Variants in PCDHGA3 observed in about 807,000 individuals in gnomAD.
PCDHGA3 encodes the protein protocadherin gamma subfamily A, 3, also known as protocadherin gamma-A3.
PCDHGA3 carries 40 observed loss-of-function variants against 58.5 expected under a neutral mutation model. The observed-to-expected ratio is 0.68, with a 90% confidence interval of 0.53 to 0.89. PCDHGA3 has a LOEUF of 0.89. Among genes scored for constraint, PCDHGA3 ranks in the 40% least tolerant of loss-of-function variants. The probability of loss-of-function intolerance (pLI) is 0.00; values close to 1 mark genes in which losing one functional copy is unlikely to be tolerated. For missense variants in PCDHGA3, 1,223 were observed against 1,195.9 expected (o/e 1.02, Z -0.33); for synonymous variants, 530 against 525.7 (o/e 1.01, Z -0.11).
intron 1 of PCDHGA3, among the ~76,000 whole-genome samples, chr5:141,429,759 C>T (rs1233949322): frequency 6.6e-6 from 1 of 151,946 alleles, no homozygotes; most frequent in East Asian, 1.9e-4. Flanking sequence ...GAATTTTTTC[C>T]CTATATTTTG....
intron 1 of PCDHGA3, chr5:141,361,337 A>G (rs1374845034): frequency 1.9e-6 from 3 of 1,613,878 alleles, no homozygotes; most frequent in South Asian, 1.1e-5. Flanking sequence ...TCAAAGAACT[A>G]TTACAAACTA....
At chr5:141,390,230 A>T (rs2092091822) in intron 1 of PCDHGA3, 1 of 1,614,072 alleles carries the variant, frequency 6.2e-7, no homozygotes, top group Admixed American at 1.7e-5. Flanking sequence ...GCGGTGATTC[A>T]TCTGGGGCCT....
rs1252361961 is a variant in PCDHGA3 at position 141,486,106 on chromosome 5, G to A, written c.2425-8701G>A. The A allele has an allele frequency of 2.5e-6, 4 of 1,614,190 alleles. No individual in the cohort carries two copies. The highest frequency in any genetic ancestry group is 1.1e-5 in the South Asian group (1 of 91,086). Reference sequence around the variant, plus strand: ...CTCTTTTGGGGCCCCTAGACTTTGAGAGTGAGAATTACTATGAATTTGATG... The same window carrying A: ...CTCTTTTGGGGCCCCTAGACTTTGAAAGTGAGAATTACTATGAATTTGATG... On this transcript the variant is annotated intron_variant, in intron 1 of 3. Transcript: ENST00000253812. The surrounding 1 kb of genome is among the most constrained non-coding windows in gnomAD (Gnocchi z 5.0).
Position 141,511,030 on chromosome 5 carries a change from C to A in PCDHGA3, c.2656C>A (p.Gln886Lys). 9 of 1,614,224 alleles carry A rather than the reference C, an allele frequency of 5.6e-6. No individual in the cohort carries two copies. Among genetic ancestry groups the A allele is most frequent in the Non-Finnish European group, 7.6e-6 (9 of 1,180,032 alleles). Residue 886 changes from glutamine (Q) to lysine (K), a missense_variant, in exon 4 of 4, where the codon CAG (glutamine) becomes AAG (lysine). Transcript: ENST00000253812. ...SARYGPQFTLQHVPDYRQNVY... is the reference protein window; with the variant it reads ...SARYGPQFTLKHVPDYRQNVY... ...CCGCTACGGACCCCAGTTCACCCTGCAGCACGTGCCCGACTACCGCCAGAA... is the reference window on the plus strand; with the variant it reads ...CCGCTACGGACCCCAGTTCACCCTGAAGCACGTGCCCGACTACCGCCAGAA...
rs752798793 is a variant in PCDHGA3 at position 141,345,182 on chromosome 5, AG to A, written c.1150del (p.Val384PhefsTer11). The A allele has an allele frequency of 6.2e-7, 1 of 1,614,002 alleles. No individual in the cohort carries two copies. The highest frequency in any genetic ancestry group is 2.2e-5 in the East Asian group (1 of 44,878). ...RDSGQNGQVE[V>X]FVLGNLPFKL... is the part of the protein sequence containing the mutation. Reference sequence around the variant, plus strand: ...ATTCTGGGCAGAATGGGCAGGTTGAAGTTTTTGTCCTGGGAAATCTGCCATT... The same window carrying A: ...ATTCTGGGCAGAATGGGCAGGTTGAATTTTTGTCCTGGGAAATCTGCCATT... On this transcript the variant is annotated frameshift_variant, in exon 1 of 4. Transcript: ENST00000253812. LOFTEE classifies it high-confidence loss of function.
chr5:141,415,602 A>G (rs1208876851), intron 1 of PCDHGA3: 2 of 1,613,602 alleles, frequency 1.2e-6, no homozygotes, highest in African/African-American at 2.7e-5. Flanking sequence ...AGGATACCCC[A>G]TTGGTTCCAG....
intron 1 of PCDHGA3, chr5:141,351,765 C>A (rs751457983): frequency 1.9e-5 from 31 of 1,613,438 alleles, no homozygotes; most frequent in Non-Finnish European, 2.4e-5. Context: ...TCCTACGTGT[C>A]CGTGAGCCCG....
intron 1 of PCDHGA3, chr5:141,414,822 C>A: frequency 6.2e-7 from 1 of 1,614,240 alleles, no homozygotes; most frequent in Non-Finnish European, 8.5e-7. Context: ...TCAGCAGCAA[C>A]GTGTCGTTGA....
intron 1 of PCDHGA3, chr5:141,398,633 A>G: frequency 6.2e-7 from 1 of 1,614,064 alleles, no homozygotes; most frequent in Non-Finnish European, 8.5e-7. Flanking sequence ...TCTCTGCAGA[A>G]GTATAAACTC....
Position 141,346,174 on chromosome 5 carries a change from T to A in PCDHGA3, c.2141T>A (p.Leu714His), listed in dbSNP as rs372047139. The change falls in exon 1 of 4, where the codon CTC becomes CAC. Residue 714 changes from leucine to histidine, a missense_variant. This residue lies in a region of PCDHGA3 where 325 missense variants were observed against 327.5 expected (regional missense o/e 0.99). Coordinates refer to ENST00000253812, the MANE Select transcript of PCDHGA3 (RefSeq NM_018916.4). ...GCCTTCGTCATCGTGCTGCTGGCGC[T>A]CAGGCTGCGGCGCTGGCACAAGTCA... ...FLAFVIVLLA[L>H]RLRRWHKSRL... 2.1e-4 allele frequency: 344 copies of A among 1,613,974 alleles called. No individual in the cohort carries two copies. The highest frequency in any genetic ancestry group is 1.3e-3 in the South Asian group (119 of 91,074).
At chr5:141,374,514 A>G (rs762655024) in intron 1 of PCDHGA3, 6 of 1,612,112 alleles carry the variant, frequency 3.7e-6, no homozygotes, top group Non-Finnish European at 4.2e-6. Context: ...AAAATTCTCG[A>G]AAACGCAGCT....
intron 1 of PCDHGA3, chr5:141,356,634 C>A (rs750676193): frequency 4.3e-6 from 7 of 1,614,158 alleles, no homozygotes; most frequent in Non-Finnish European, 5.9e-6. Context: ...CTGCTCAAGA[C>A]CCTGACAGTG....
chr5:141,393,642 G>C, intron 1 of PCDHGA3: 1 of 1,613,940 alleles, frequency 6.2e-7, no homozygotes, highest in Non-Finnish European at 8.5e-7. Context: ...CAACGGAAAA[G>C]TGGCATACAA....
intron 1 of PCDHGA3, chr5:141,423,599 C>T (rs1185412610): frequency 6.2e-7 from 1 of 1,612,844 alleles, no homozygotes; most frequent in Non-Finnish European, 8.5e-7. Context: ...AAAAGCGAGC[C>T]ACTCTTGATA....
rs774983500 is a variant in PCDHGA3 at position 141,490,973 on chromosome 5, G to T, written c.2425-3834G>T. ...GACTGGGAACACTCAGCCCCCCAGC[G>T]TCTCCCTCGCTCTGCTCCTCCTGGC... On this transcript the variant is annotated intron_variant, in intron 1 of 3. Transcript: ENST00000253812. The surrounding 1 kb of genome is among the most constrained non-coding windows in gnomAD (Gnocchi z 5.4). 1 of 1,613,932 alleles carries T rather than the reference G, an allele frequency of 6.2e-7. No individual in the cohort carries two copies. The highest frequency in any genetic ancestry group is 1.3e-5 in the African/African-American group (1 of 75,040).
intron 1 of PCDHGA3, chr5:141,372,718 C>G: frequency 6.2e-7 from 1 of 1,613,818 alleles, no homozygotes; most frequent in East Asian, 2.2e-5. Flanking sequence ...GCTGAAAATG[C>G]TGCACCACAA....
chr5:141,419,852 G>A, intron 1 of PCDHGA3: 1 of 1,614,066 alleles, frequency 6.2e-7, no homozygotes, highest in Non-Finnish European at 8.5e-7. Flanking sequence ...CCTGGTGTTC[G>A]CAGATAGCTT....
chr5:141,398,829 C>G (rs1020690994), intron 1 of PCDHGA3: 2 of 1,613,876 alleles, frequency 1.2e-6, no homozygotes, highest in African/African-American at 1.3e-5. Context: ...AGGTAACCGA[C>G]GCCAATGATA....
Position 141,476,191 on chromosome 5 carries a change from C to T in PCDHGA3, c.2425-18616C>T. The T allele has an allele frequency of 6.2e-7, 1 of 1,613,860 alleles. No homozygotes were observed. The highest frequency in any genetic ancestry group is 8.5e-7 in the Non-Finnish European group (1 of 1,180,006). ...TGGGAGTTTTGCTTCTGCTTGGTGC[C>T]TTGAACAAGGCTTCCACGGTCATTC... On this transcript the variant is annotated intron_variant, in intron 1 of 3. Transcript: ENST00000253812. This position sits in a 1 kb window ranked among gnomAD's most constrained non-coding sequence, Gnocchi z 7.6.
Sources: allele counts gnomAD v4.1 joint callset (sites outside exome capture counted in the v4.1 genomes callset), GRCh38; gene constraint gnomAD v4.1.1; regional missense constraint gnomAD v4.1.1; non-coding constraint Gnocchi (gnomAD v3.1); transcripts MANE v1.5; gene names NCBI Gene and HGNC (gene_info 2026-07-23, HGNC 2026-07-21).